Variants in NDUFB7 observed in about 807,000 individuals in gnomAD.
The protein encoded by NDUFB7 is NADH dehydrogenase [ubiquinone] 1 beta subcomplex subunit 7.
A neutral mutation model predicts 14.7 loss-of-function variants in NDUFB7; 18 were observed. The observed-to-expected ratio is 1.22, with a 90% CI of 0.85 to 1.81. The LOEUF (loss-of-function observed/expected upper bound fraction) is 1.81, where lower values mean the gene tolerates loss of function less well. NDUFB7 is among the 40% of genes most tolerant of loss of function. The probability of loss-of-function intolerance (pLI) is 0.00; values close to 1 mark genes in which losing one functional copy is unlikely to be tolerated. For missense variants in NDUFB7, 219 were observed against 195.0 expected, an observed-to-expected ratio of 1.12 and a Z score of -0.73; for synonymous variants, 86 against 76.1, an observed-to-expected ratio of 1.13 and a Z score of -0.68.
intron 1 of NDUFB7, among the ~76,000 whole-genome samples, chr19:14,569,080 C>T (rs567933193): frequency 1.1e-4 from 17 of 152,072 alleles, no homozygotes; most frequent in East Asian, 3.9e-4. Flanking sequence ...GAGGCTGAGG[C>T]GGGAGAATCG....
rs917083601 is a variant in NDUFB7 at position 14,566,806 on chromosome 19, G to A, written c.240C>T (p.Cys80=). ...AGTCCCAGTCGTGCCGCTCCTGCTTGCAGGCCAGGAAGTTGGGGAAGCTGT... is the reference window on the plus strand; with the variant it reads ...AGTCCCAGTCGTGCCGCTCCTGCTTACAGGCCAGGAAGTTGGGGAAGCTGT... ...KRDSFPNFLA[C]KQERHDWDYC... The change falls in exon 2 of 3, where the codon TGC becomes TGT. Residue 80 remains cysteine, a synonymous_variant. Transcript: ENST00000215565. The A allele has an allele frequency of 4.2e-5, 65 of 1,547,666 alleles. No individual in the cohort carries two copies. The highest frequency in any genetic ancestry group is 5.1e-5 in the Non-Finnish European group (58 of 1,147,278).
intron 1 of NDUFB7, among the ~76,000 whole-genome samples, chr19:14,569,600 G>C (rs1030359541): frequency 6.6e-6 from 1 of 152,222 alleles, no homozygotes; most frequent in Non-Finnish European, 1.5e-5. Context: ...TGATCTTGGG[G>C]AAAGCAAGGT....
At chr19:14,566,415 GCCCACGCAGGTGGCAGGGCTT>G in intron 2 of NDUFB7, 150 bp from the exon 3 acceptor site, 1 of 1,330,108 alleles carries the variant, frequency 7.5e-7, no homozygotes, top group Non-Finnish European at 1.0e-6. Context: ...TCTGGGGTCT[GCCCACGCAGGTGGCAGGGCTT>G]CCCACTGGAA....
Position 14,567,752 on chromosome 19 carries a change from A to G in NDUFB7, c.113-819T>C, listed in dbSNP as rs2074101832. Among the ~76,000 whole-genome samples, 1 of 151,966 alleles carries G rather than the reference A, an allele frequency of 6.6e-6. No homozygotes were observed. Among genetic ancestry groups the G allele is most frequent in the South Asian group, 2.1e-4 (1 of 4,814 alleles). ...CCTTCCCATCTGCGCAAGTGAGACGAGATATATTCACATCTCAATGGCAGT... is the reference window on the plus strand; with the variant it reads ...CCTTCCCATCTGCGCAAGTGAGACGGGATATATTCACATCTCAATGGCAGT... On this transcript the variant is annotated intron_variant, in intron 1 of 2. Coordinates refer to ENST00000215565, the MANE Select transcript of NDUFB7 (RefSeq NM_004146.6). This position sits in a 1 kb window ranked among gnomAD's most constrained non-coding sequence, Gnocchi z 5.1.
At chr19:14,566,606 A>AG (rs71166758) in intron 2 of NDUFB7, among the ~76,000 whole-genome samples, 159 bp downstream of exon 2, 142,467 of 142,472 alleles carry the variant, frequency 1, 71,231 homozygotes, top group Middle Eastern at 1. Flanking sequence ...GCCAGGGGCC[A>AG]GGCCTGGGTG....
At chr19:14,568,246 TGTTA>T in intron 1 of NDUFB7, among the ~76,000 whole-genome samples, 1 of 152,308 alleles carries the variant, frequency 6.6e-6, no homozygotes, top group East Asian at 1.9e-4. Context: ...GGTTTCGCCA[TGTTA>T]GTCAGGCTGG....
chr19:14,570,738 T>C (rs946169518), intron 1 of NDUFB7, among the ~76,000 whole-genome samples: 13 of 152,232 alleles, frequency 8.5e-5, no homozygotes, highest in Non-Finnish European at 1.6e-4. Flanking sequence ...CTGAGTTCTC[T>C]GGAGACAGTG....
At position 14,566,274 on chromosome 19, in the gene NDUFB7, A is replaced by T. The variant is rs2074082879; in HGVS notation, c.282-9T>A. On this transcript the variant is annotated splice_polypyrimidine_tract_variant and intron_variant, in intron 2 of 2. Transcript: ENST00000215565. ...TCATGCGCATCACATAGCTGGGGGA[A>T]AAGCACGAGAGGGGCTGTCAGGGTC... The T allele has an allele frequency of 1.2e-6, 2 of 1,613,698 alleles. No individual in the cohort carries two copies. The highest frequency in any genetic ancestry group is 2.7e-5 in the African/African-American group (2 of 74,930).
At chr19:14,570,629 G>A (rs898520807) in intron 1 of NDUFB7, among the ~76,000 whole-genome samples, 1 of 152,068 alleles carries the variant, frequency 6.6e-6, no homozygotes, top group African/African-American at 2.4e-5. Context: ...GAGCCACCAC[G>A]ACCGGCCACC....
At chr19:14,569,044 A>G (rs978158568) in intron 1 of NDUFB7, among the ~76,000 whole-genome samples, 4 of 152,056 alleles carry the variant, frequency 2.6e-5, no homozygotes, top group Admixed American at 6.6e-5. Flanking sequence ...GTGTGGTGGC[A>G]CGCACCTGTA....
At chr19:14,571,364 G>C (rs2074123988) in intron 1 of NDUFB7, among the ~76,000 whole-genome samples, 2 of 152,166 alleles carry the variant, frequency 1.3e-5, no homozygotes, top group African/African-American at 4.8e-5. Context: ...GGGAGGCCGA[G>C]GCGGGCGGAT....
Position 14,567,013 on chromosome 19 carries a change from C to T in NDUFB7, c.113-80G>A, listed in dbSNP as rs1290042756. 54 of 1,429,924 alleles carry T rather than the reference C, an allele frequency of 3.8e-5. No individual in the cohort carries two copies. Among genetic ancestry groups the T allele is most frequent in the South Asian group, 3.7e-4 (28 of 75,684 alleles). The allele number at this position is 1,429,924 out of a possible 1,614,324, so 88.6% of individuals were successfully genotyped here. A position where few individuals can be genotyped will look rare whatever the true frequency, so the allele number is the denominator to read the frequency against. On this transcript the variant is annotated intron_variant, in intron 1 of 2. Transcript: ENST00000215565. The surrounding 1 kb of genome is among the most constrained non-coding windows in gnomAD (Gnocchi z 5.1). ...GGGATCCCCAGGGGACCGAGGCACA[C>T]GGCTTCAGGAAGGCACGGCTTGGGG...
rs1406998391 is a variant in NDUFB7, at chr19:14,566,865, G to T, written c.181C>A (p.His61Asn). Reference sequence around the variant, plus strand: ...CACTTGAGCAGCCGGATGAGGTGGTGGGCGCAGTAGTCCCGCAGCTGGAGC... The same window carrying T: ...CACTTGAGCAGCCGGATGAGGTGGTTGGCGCAGTAGTCCCGCAGCTGGAGC... ...LRLQLRDYCAHHLIRLLKCKR... is the reference protein window; with the variant it reads ...LRLQLRDYCANHLIRLLKCKR... The change falls in exon 2 of 3, where the codon CAC becomes AAC. Residue 61 changes from histidine (H) to asparagine (N), a missense_variant. Coordinates refer to ENST00000215565, the MANE Select transcript of NDUFB7 (RefSeq NM_004146.6). The T allele has an allele frequency of 6.4e-7, 1 of 1,573,248 alleles. No homozygotes were observed.
In NDUFB7 at chr19:14,566,093, G is replaced by A. The variant is rs200014416; in HGVS notation, c.*40C>T. Reference sequence around the variant, plus strand: ...GGGACTCTGGTTGAGGGGCCTGAAGGCTTTTATTTGACTGGTCCATAGGGT... The same window carrying A: ...GGGACTCTGGTTGAGGGGCCTGAAGACTTTTATTTGACTGGTCCATAGGGT... On this transcript the variant is annotated 3_prime_UTR_variant, in exon 3 of 3. Coordinates refer to ENST00000215565, the MANE Select transcript of NDUFB7 (RefSeq NM_004146.6). The A allele has an allele frequency of 3.5e-4, 554 of 1,585,840 alleles. 3 individuals are homozygous for A. The African/African-American group carries it at 6.5e-3, about 19-fold the overall frequency.
rs2146642538 is a variant in NDUFB7 at position 14,567,958 on chromosome 19, C to G, written c.113-1025G>C. Among the ~76,000 whole-genome samples, 1 of 152,326 alleles carries G rather than the reference C, an allele frequency of 6.6e-6. No homozygotes were observed. Among genetic ancestry groups the G allele is most frequent in the Middle Eastern group, 3.4e-3 (1 of 294 alleles). ...GCCCAGGACCCCAGCCTCCCGCTTC[C>G]TTCTTTCCTGTGGCTCCTCCCACAT... On this transcript the variant is annotated intron_variant, in intron 1 of 2. Transcript: ENST00000215565. This position sits in a 1 kb window ranked among gnomAD's most constrained non-coding sequence, Gnocchi z 5.1.
rs1328479353 is a variant in NDUFB7 at position 14,566,810 on chromosome 19, G to A, written c.236C>T (p.Ala79Val). Residue 79 changes from alanine to valine, a missense_variant, in exon 2 of 3, where the codon GCC becomes GTC. Transcript: ENST00000215565. ...CCAGTCGTGCCGCTCCTGCTTGCAG[G>A]CCAGGAAGTTGGGGAAGCTGTCACG... ...CKRDSFPNFL[A>V]CKQERHDWDY... is the part of the protein sequence containing the mutation. The A allele has an allele frequency of 2.6e-6, 4 of 1,548,196 alleles. No homozygotes were observed. In the East Asian group the frequency reaches 9.8e-5, roughly 38 times the overall value.
intron 2 of NDUFB7, 120 bp from the exon 3 acceptor site, chr19:14,566,385 C>T: frequency 2.0e-6 from 3 of 1,499,962 alleles, no homozygotes; most frequent in Non-Finnish European, 2.7e-6. Flanking sequence ...GAAGACATGT[C>T]CGAGTGCCTG....
chr19:14,566,731 C>G (rs745394310), intron 2 of NDUFB7, 34 bp downstream of exon 2: 3 of 1,510,016 alleles, frequency 2.0e-6, no homozygotes, highest in Admixed American at 4.1e-5. Flanking sequence ...GTGTTGCGGG[C>G]CGGGGTGTTG....
At chr19:14,570,165 G>A (rs1679821067) in intron 1 of NDUFB7, among the ~76,000 whole-genome samples, 1 of 151,810 alleles carries the variant, frequency 6.6e-6, no homozygotes, top group South Asian at 2.1e-4. Flanking sequence ...CCAAAGTGCT[G>A]GGATTACAGG....
Sources: allele counts gnomAD v4.1 joint callset (sites outside exome capture counted in the v4.1 genomes callset), GRCh38; gene constraint gnomAD v4.1.1; non-coding constraint Gnocchi (gnomAD v3.1); transcripts MANE v1.5; gene names NCBI Gene and HGNC (gene_info 2026-07-23, HGNC 2026-07-21).